Variants in ACSL1 observed in about 807,000 individuals in gnomAD.
ACSL1 encodes acyl-CoA synthetase long chain family member 1.
ACSL1 carries 41 observed loss-of-function variants against 98.4 expected under a neutral mutation model. The observed-to-expected ratio is 0.42, with a 90% CI of 0.32 to 0.54. The LOEUF (loss-of-function observed/expected upper bound fraction) is 0.54. ACSL1 is among the 20% of genes least tolerant of loss of function. The probability of loss-of-function intolerance (pLI) is 0.13; values close to 1 mark genes in which losing one functional copy is unlikely to be tolerated. For synonymous variants in ACSL1, 316 were observed against 322.7 expected (o/e 0.98, Z 0.22); for missense variants, 734 against 883.1 (o/e 0.83, Z 2.14).
Position 184,803,305 on chromosome 4 carries a change from G to C in ACSL1, c.195+15C>G. ...GCGGAGAAAACGCACGAGGCAGGCT[G>C]GGCCCTCCACTCACCGCCACTTCCA... On this transcript the variant is annotated intron_variant, in intron 2 of 20. Transcript: ENST00000281455. The surrounding 1 kb of genome is among the most constrained non-coding windows in gnomAD (Gnocchi z 4.8). 6.5e-7 allele frequency: 1 copy of C among 1,548,076 alleles called. No homozygotes were observed. The highest frequency in any genetic ancestry group is 8.7e-7 in the Non-Finnish European group (1 of 1,144,116).
At chr4:184,815,760 G>C (rs993248622) in intron 1 of ACSL1, among the ~76,000 whole-genome samples, 1 of 152,106 alleles carries the variant, frequency 6.6e-6, no homozygotes, top group African/African-American at 2.4e-5. Flanking sequence ...CCTCTCACGA[G>C]TTTGGAGAAA....
rs1376678471 is a variant in ACSL1, at chr4:184,760,353, A to G, written c.1782+4T>C. On this transcript the variant is annotated splice_donor_region_variant and intron_variant, in intron 18 of 20. Transcript: ENST00000281455. ...GCAAGATTCAAGACCCAGAAAGCAC[A>G]TACCTGCAGGCTTTCTCCGTGGACA... 5 of 1,614,070 alleles carry G rather than the reference A, an allele frequency of 3.1e-6. No individual in the cohort carries two copies. Among genetic ancestry groups the G allele is most frequent in the Middle Eastern group, 1.7e-4 (1 of 6,060 alleles).
chr4:184,781,767 A>T (rs1377946192), intron 4 of ACSL1, among the ~76,000 whole-genome samples: 1 of 151,346 alleles, frequency 6.6e-6, no homozygotes, highest in Non-Finnish European at 1.5e-5. Flanking sequence ...CTGCCACCAC[A>T]CTCAGCTGAT....
In ACSL1 at chr4:184,773,884, G is replaced by C; in HGVS notation, c.757-9C>G. On this transcript the variant is annotated splice_polypyrimidine_tract_variant and intron_variant, in intron 7 of 20. Coordinates refer to ENST00000281455, the MANE Select transcript of ACSL1 (RefSeq NM_001995.5). This position sits in a 1 kb window ranked among gnomAD's most constrained non-coding sequence, Gnocchi z 4.3. ...TTGGCTCTTCCCAGGTCCTTAATTA[G>C]AAGAGAAAAAAAGTCTTAAATGGAA... 1 of 1,613,730 alleles carries C rather than the reference G, an allele frequency of 6.2e-7. No homozygotes were observed. The highest frequency in any genetic ancestry group is 1.3e-5 in the African/African-American group (1 of 74,982).
At chr4:184,811,324 G>A (rs143738562) in intron 1 of ACSL1, among the ~76,000 whole-genome samples, 6,515 of 152,028 alleles carry the variant, frequency 0.043, 139 homozygotes, top group Middle Eastern at 0.082. Context: ...GTGTTGGCCA[G>A]GATGGTCTCG....
Position 184,803,349 on chromosome 4 carries a change from C to G in ACSL1, c.166G>C (p.Asp56His). The G allele has an allele frequency of 1.2e-6, 2 of 1,607,542 alleles. No homozygotes were observed. Among genetic ancestry groups the G allele is most frequent in the Non-Finnish European group, 1.7e-6 (2 of 1,176,776 alleles). Reference sequence around the variant, plus strand: ...ACTTCCACTGACTGCATGGAGAGGTCGCATGGCGGCTTCAGGGGTTTGGGT... The same window carrying G: ...ACTTCCACTGACTGCATGGAGAGGTGGCATGGCGGCTTCAGGGGTTTGGGT... ...TRPKPLKPPC[D>H]LSMQSVEVAG... The change falls in exon 2 of 21, where the codon GAC becomes CAC. Residue 56 changes from aspartate (D) to histidine (H), a missense_variant. By Grantham distance (81) the Asp-to-His change is moderately conservative. Coordinates refer to ENST00000281455, the MANE Select transcript of ACSL1 (RefSeq NM_001995.5). The surrounding 1 kb of genome is among the most constrained non-coding windows in gnomAD (Gnocchi z 4.8).
intron 10 of ACSL1, among the ~76,000 whole-genome samples, chr4:184,771,283 A>C (rs1381588705): frequency 6.6e-6 from 1 of 152,224 alleles, no homozygotes; most frequent in African/African-American, 2.4e-5. Context: ...TCATCACTAC[A>C]GTATCCTAGT....
rs763520587 is a variant in ACSL1 at position 184,766,725 on chromosome 4, C to T, written c.1160G>A (p.Arg387Gln). The change falls in exon 13 of 21, where the codon CGA becomes CAA. Residue 387 changes from arginine (R) to glutamine (Q), a missense_variant. By Grantham distance (43) the Arg-to-Gln change is conservative. Coordinates refer to ENST00000281455, the MANE Select transcript of ACSL1 (RefSeq NM_001995.5). The surrounding 1 kb of genome is among the most constrained non-coding windows in gnomAD (Gnocchi z 4.8). ...IFGQANTTLK[R>Q]WLLDFASKRK... ...CTTGGAGGCAAAGTCCAAGAGCCAT[C>T]GCTTCAGCGTGGTGTTTGCTTGTCC... 8.7e-6 allele frequency: 14 copies of T among 1,613,886 alleles called. No individual in the cohort carries two copies. The highest frequency in any genetic ancestry group is 1.7e-4 in the Middle Eastern group (1 of 6,046).
At chr4:184,815,904 T>A (rs1266724274) in intron 1 of ACSL1, among the ~76,000 whole-genome samples, 2 of 152,080 alleles carry the variant, frequency 1.3e-5, no homozygotes, top group Non-Finnish European at 2.9e-5. Context: ...GTGGATCATC[T>A]GAGGCCAGGA....
chr4:184,761,177 T>A (rs944204056), intron 17 of ACSL1, among the ~76,000 whole-genome samples: 21 of 152,286 alleles, frequency 1.4e-4, no homozygotes, highest in African/African-American at 4.8e-4. Flanking sequence ...ACACCAGTTC[T>A]CCATTTTCAA....
intron 18 of ACSL1, among the ~76,000 whole-genome samples, chr4:184,759,121 G>A (rs1238023423): frequency 6.6e-6 from 1 of 152,084 alleles, no homozygotes; most frequent in Non-Finnish European, 1.5e-5. Flanking sequence ...GTGTATATGT[G>A]ACACATTTTC....
intron 12 of ACSL1, among the ~76,000 whole-genome samples, chr4:184,767,627 T>C (rs560151191): frequency 2.6e-5 from 4 of 152,322 alleles, no homozygotes; most frequent in African/African-American, 7.2e-5. Context: ...ACACTTTAAA[T>C]CAGCAAATTA....
intron 1 of ACSL1, among the ~76,000 whole-genome samples, chr4:184,817,806 C>T (rs950551948): frequency 1.6e-4 from 24 of 152,100 alleles, no homozygotes; most frequent in Non-Finnish European, 2.9e-5. Context: ...GAGACTGAGC[C>T]GGCCTCTCTG....
At chr4:184,819,881 A>G (rs908449983) in intron 1 of ACSL1, among the ~76,000 whole-genome samples, 5 of 152,102 alleles carry the variant, frequency 3.3e-5, no homozygotes, top group Non-Finnish European at 5.9e-5. Context: ...GGAGGTGACA[A>G]TTCTGGTTCA....
chr4:184,786,013 T>TGTGTGA (rs1314988586), intron 3 of ACSL1, among the ~76,000 whole-genome samples: 14 of 150,900 alleles, frequency 9.3e-5, no homozygotes, highest in East Asian at 5.8e-4. Context: ...GCGGAGTGAG[T>TGTGTGA]GTGTGAGTGT....
At chr4:184,809,593 C>G (rs768739219) in intron 1 of ACSL1, among the ~76,000 whole-genome samples, 1 of 151,990 alleles carries the variant, frequency 6.6e-6, no homozygotes, top group Non-Finnish European at 1.5e-5. Flanking sequence ...GAGATCAAGA[C>G]CATCCTGGCT....
chr4:184,755,730 T>C lies in ACSL1; in HGVS notation c.*1395A>G, dbSNP rs1049690784. 1.3e-5 allele frequency: 2 copies of C among 152,682 alleles called. No individual in the cohort carries two copies. Among genetic ancestry groups the C allele is most frequent in the African/African-American group, 4.8e-5 (2 of 41,468 alleles). The allele number at this position is 152,682 out of a possible 1,614,324, so 9.5% of individuals were successfully genotyped here. On this transcript the variant is annotated 3_prime_UTR_variant, in exon 21 of 21. Coordinates refer to ENST00000281455, the MANE Select transcript of ACSL1 (RefSeq NM_001995.5). ...CCCAAGGTGACAAATTATTGACTTT[T>C]TGTGCAATTAAGAATACATATATGA...
intron 10 of ACSL1, among the ~76,000 whole-genome samples, chr4:184,771,284 G>T (rs1303665742): frequency 6.6e-6 from 1 of 152,118 alleles, no homozygotes; most frequent in East Asian, 1.9e-4. Context: ...CATCACTACA[G>T]TATCCTAGTA....
At chr4:184,772,897 G>A (rs577003543) in intron 10 of ACSL1, among the ~76,000 whole-genome samples, 184 bp downstream of exon 10, 1 of 152,140 alleles carries the variant, frequency 6.6e-6, no homozygotes, top group Non-Finnish European at 1.5e-5. Context: ...AAGGGTTGGC[G>A]ATTAGGTTCA....
Sources: allele counts gnomAD v4.1 joint callset (sites outside exome capture counted in the v4.1 genomes callset), GRCh38; gene constraint gnomAD v4.1.1; non-coding constraint Gnocchi (gnomAD v3.1); transcripts MANE v1.5; gene names NCBI Gene and HGNC (gene_info 2026-07-23, HGNC 2026-07-21).